Variants in DOCK4 observed in about 807,000 individuals in gnomAD.
DOCK4 encodes dedicator of cytokinesis 4.
DOCK4 carries 97 observed loss-of-function variants against 268.1 expected under a neutral mutation model. The observed-to-expected ratio is 0.36, with a 90% CI of 0.31 to 0.43. The LOEUF (loss-of-function observed/expected upper bound fraction) is 0.43. Ranked by LOEUF, DOCK4 falls within the 20% of genes least tolerant of loss-of-function variation. The pLI is 1.00. For missense variants in DOCK4, 2,145 were observed against 2,455.7 expected (o/e 0.87, Z 2.67); for synonymous variants, 954 against 887.2 (o/e 1.08, Z -1.34).
intron 13 of DOCK4, among the ~76,000 whole-genome samples, chr7:111,906,382 T>A (rs930514801): frequency 1.3e-5 from 2 of 152,052 alleles, no homozygotes; most frequent in Non-Finnish European, 2.9e-5. Context: ...ATGTTGAAGT[T>A]CCAAGCAGAA....
intron 1 of DOCK4, among the ~76,000 whole-genome samples, chr7:112,182,047 T>C (rs1241737197): frequency 6.6e-6 from 1 of 152,196 alleles, no homozygotes; most frequent in Non-Finnish European, 1.5e-5. Flanking sequence ...CTGTGCATTC[T>C]AGAGTCACAC....
intron 1 of DOCK4, among the ~76,000 whole-genome samples, chr7:112,191,484 C>G (rs1198426588): frequency 1.3e-5 from 2 of 152,052 alleles, no homozygotes; most frequent in Non-Finnish European, 2.9e-5. Flanking sequence ...ACTGACTGAC[C>G]ATCACTACCA....
At chr7:111,844,275 C>A (rs1199625900) in intron 25 of DOCK4, among the ~76,000 whole-genome samples, 1 of 151,620 alleles carries the variant, frequency 6.6e-6, no homozygotes, top group African/African-American at 2.4e-5. Context: ...GACTCCGTCT[C>A]AAAAAAAGAA....
At chr7:111,933,289 T>C (rs1221828564) in intron 12 of DOCK4, among the ~76,000 whole-genome samples, 6 of 122,188 alleles carry the variant, frequency 4.9e-5, no homozygotes, top group Admixed American at 1.6e-4. Context: ...CATATATATA[T>C]ATATATATAT....
chr7:112,103,731 A>T (rs540635060), intron 1 of DOCK4, among the ~76,000 whole-genome samples: 1 of 152,234 alleles, frequency 6.6e-6, no homozygotes, highest in East Asian at 1.9e-4. Flanking sequence ...AAAATACAAA[A>T]ATTAGCCAGG....
chr7:111,949,872 T>C (rs1312510266), intron 8 of DOCK4, among the ~76,000 whole-genome samples: 1 of 152,252 alleles, frequency 6.6e-6, no homozygotes, highest in Non-Finnish European at 1.5e-5. Flanking sequence ...TATCAGAAGG[T>C]ATGCCTTCAA....
chr7:112,203,423 T>G (rs1356506886), intron 1 of DOCK4, among the ~76,000 whole-genome samples: 1 of 152,226 alleles, frequency 6.6e-6, no homozygotes, highest in Non-Finnish European at 1.5e-5. Context: ...CCGATACATT[T>G]AATTACAGAT....
intron 1 of DOCK4, among the ~76,000 whole-genome samples, chr7:112,167,543 T>A (rs1208234393): frequency 2.6e-5 from 4 of 152,212 alleles, no homozygotes; most frequent in African/African-American, 2.4e-5. Context: ...TACTTTAAAA[T>A]GCTCATGGCA....
rs769767389 is a variant in DOCK4, at chr7:111,741,227, GA to G, written c.4920-14del. 184 of 1,602,032 alleles carry G rather than the reference GA, an allele frequency of 1.1e-4. 1 individual carries two copies. Among genetic ancestry groups the G allele is most frequent in the Admixed American group, 8.3e-4 (47 of 56,536 alleles). On this transcript the variant is annotated splice_polypyrimidine_tract_variant and intron_variant, in intron 46 of 52. Transcript: ENST00000428084. The stretch of plus-strand genomic sequence containing the variant: ...GTAACTTAACGGGCTGTTTCAGGGG[GA>G]AAAAAAAGGTCATTAACTCAGTCTC...
At chr7:111,926,870 A>AAAGGAAGG (rs143004189) in intron 12 of DOCK4, among the ~76,000 whole-genome samples, 2,365 of 149,978 alleles carry the variant, frequency 0.016, 65 homozygotes, top group African/African-American at 0.05. Flanking sequence ...AGAGAGAGAG[A>AAAGGAAGG]AAGGAAGGAA....
At chr7:111,977,357 G>A (rs576678448) in intron 7 of DOCK4, 74 bp from the exon 8 acceptor site, 9 of 1,485,358 alleles carry the variant, frequency 6.1e-6, no homozygotes, top group Admixed American at 4.3e-5. Flanking sequence ...AAACTAGTTA[G>A]CTATGAGGTG....
chr7:111,814,307 TG>T (rs1801380683), intron 27 of DOCK4, among the ~76,000 whole-genome samples: 2 of 152,184 alleles, frequency 1.3e-5, no homozygotes, highest in Admixed American at 1.3e-4. Context: ...GGCCTTACTA[TG>T]GAACAGTTGC....
chr7:112,015,333 C>T (rs1801724392), intron 1 of DOCK4, among the ~76,000 whole-genome samples: 1 of 152,190 alleles, frequency 6.6e-6, no homozygotes, highest in East Asian at 1.9e-4. Context: ...GGGAATTGCC[C>T]ATCCCTTTCC....
chr7:112,126,528 C>G (rs902299474), intron 1 of DOCK4, among the ~76,000 whole-genome samples: 1 of 152,136 alleles, frequency 6.6e-6, no homozygotes, highest in Non-Finnish European at 1.5e-5. Flanking sequence ...ACACCAAAAG[C>G]AATGGCAACA....
intron 30 of DOCK4, among the ~76,000 whole-genome samples, chr7:111,795,276 G>T (rs947747280): frequency 3.3e-5 from 5 of 151,532 alleles, no homozygotes; most frequent in Non-Finnish European, 5.9e-5. Context: ...GTACAGCTGA[G>T]AAACATAAGG....
chr7:111,779,395 T>C (rs1798656206), intron 35 of DOCK4, among the ~76,000 whole-genome samples: 1 of 152,138 alleles, frequency 6.6e-6, no homozygotes, highest in African/African-American at 2.4e-5. Flanking sequence ...CCTGGACAAA[T>C]TATGTTGGCT....
chr7:111,830,436 A>AAAAC (rs1373812460), intron 26 of DOCK4, among the ~76,000 whole-genome samples: 1 of 152,028 alleles, frequency 6.6e-6, no homozygotes, highest in Non-Finnish European at 1.5e-5. Flanking sequence ...AAAACAAAAC[A>AAAAC]AAACAAAACA....
chr7:112,039,451 C>A (rs2135498721), intron 1 of DOCK4, among the ~76,000 whole-genome samples: 1 of 144,548 alleles, frequency 6.9e-6, no homozygotes, highest in East Asian at 2.2e-4. Flanking sequence ...TAATTGCCTA[C>A]TTGAAGTCTT....
In DOCK4 at chr7:111,953,966, A is replaced by G. The variant is rs1796255914; in HGVS notation, c.702-8168T>C. ...TGGTCTTGTCATTTCTCCAAAATGTACTGTTCTTTCTTGAAGACACTATAT... is the reference window on the plus strand; with the variant it reads ...TGGTCTTGTCATTTCTCCAAAATGTGCTGTTCTTTCTTGAAGACACTATAT... On this transcript the variant is annotated intron_variant, in intron 8 of 52. Coordinates refer to ENST00000428084, the MANE Select transcript of DOCK4 (RefSeq NM_001363540.2). Among the ~76,000 whole-genome samples, 3 of 152,194 alleles carry G rather than the reference A, an allele frequency of 2.0e-5. 1 individual carries two copies. In the South Asian group the frequency reaches 6.2e-4, roughly 32 times the overall value.
Sources: allele counts gnomAD v4.1 joint callset (sites outside exome capture counted in the v4.1 genomes callset), GRCh38; gene constraint gnomAD v4.1.1; transcripts MANE v1.5; gene names NCBI Gene and HGNC (gene_info 2026-07-23, HGNC 2026-07-21).